Variants in ARHGEF7 observed in about 807,000 individuals in gnomAD.
The protein encoded by ARHGEF7 is PAK-interacting exchange factor beta.
Under a neutral mutation model 109.8 loss-of-function variants are expected in ARHGEF7, and 33 were observed. The observed-to-expected ratio is 0.30, with a 90% CI of 0.23 to 0.40. The LOEUF (loss-of-function observed/expected upper bound fraction) is 0.40, where lower values mean the gene tolerates loss of function less well. Among genes scored for constraint, ARHGEF7 ranks in the 10% least tolerant of loss-of-function variants. The probability of loss-of-function intolerance (pLI) is 1.00; values close to 1 mark genes in which losing one functional copy is unlikely to be tolerated. For missense variants in ARHGEF7, 938 were observed against 1,098.5 expected (o/e 0.85, Z 2.07); for synonymous variants, 458 against 424.6 (o/e 1.08, Z -0.97).
chr13:111,164,330 A>G (rs1333985488), intron 2 of ARHGEF7, among the ~76,000 whole-genome samples: 1 of 152,200 alleles, frequency 6.6e-6, no homozygotes, highest in Non-Finnish European at 1.5e-5. Context: ...TTCTTCATAC[A>G]AGCATGCTGC....
At position 111,217,323 on chromosome 13, in the gene ARHGEF7, AAGTGTTATGTAAGC is replaced by A. The variant is rs530624260; in HGVS notation, c.469-354_469-341del. On this transcript the variant is annotated intron_variant, in intron 4 of 21. Transcript: ENST00000646102. Reference sequence around the variant, plus strand: ...TGGTATAGTCATATAGCATAACATTAAGTGTTATGTAAGCACCAGTAAGTACTGCCAGATAAATG... The same window carrying A: ...TGGTATAGTCATATAGCATAACATTAACCAGTAAGTACTGCCAGATAAATG... 8.6e-4 allele frequency among the ~76,000 whole-genome samples: 131 copies of A among 152,370 alleles called. 3 individuals are homozygous for A. Among genetic ancestry groups the A allele is most frequent in the Admixed American group, 8.6e-3 (131 of 15,306 alleles).
At chr13:111,167,854 G>A (rs1434750243) in intron 2 of ARHGEF7, among the ~76,000 whole-genome samples, 1 of 152,196 alleles carries the variant, frequency 6.6e-6, no homozygotes, top group African/African-American at 2.4e-5. Context: ...TTTCCTGGGG[G>A]CACCACTGTG....
chr13:111,303,218 G>C lies in ARHGEF7; in HGVS notation c.*105G>C. ...AGGACCACAGGGCAGGGCTGGGTGG[G>C]GCGCCACCTTGCTCTCTGTATATAG... On this transcript the variant is annotated 3_prime_UTR_variant, in exon 22 of 22. Transcript: ENST00000646102. 1 of 1,000,024 alleles carries C rather than the reference G, an allele frequency of 1.0e-6. No individual in the cohort carries two copies. Among genetic ancestry groups the C allele is most frequent in the South Asian group, 1.7e-5 (1 of 59,710 alleles). 61.9% of individuals were successfully genotyped at this position (1,000,024 alleles called of 1,614,324 possible).
intron 5 of ARHGEF7, among the ~76,000 whole-genome samples, chr13:111,224,130 C>T (rs1180549542): frequency 1.3e-5 from 2 of 152,256 alleles, no homozygotes; most frequent in African/African-American, 2.4e-5. Flanking sequence ...GCTGGGATTA[C>T]AGGCATGAGC....
intron 1 of ARHGEF7, among the ~76,000 whole-genome samples, chr13:111,135,611 A>T (rs547963272): frequency 6.6e-6 from 1 of 152,274 alleles, no homozygotes; most frequent in Non-Finnish European, 1.5e-5. Context: ...GTTATTGGTG[A>T]ATAAGAATGC....
chr13:111,288,239 G>T, intron 17 of ARHGEF7, 115 bp from the exon 18 acceptor site: 1 of 491,840 alleles, frequency 2.0e-6, no homozygotes. Flanking sequence ...AAAATCAAGG[G>T]CAGATTATCT....
rs7490787 is a variant in ARHGEF7 at position 111,115,426 on chromosome 13, G to A, written c.-101G>A. 1 of 922,726 alleles carries A rather than the reference G, an allele frequency of 1.1e-6. No homozygotes were observed. The highest frequency in any genetic ancestry group is 1.8e-5 in the African/African-American group (1 of 55,282). 57.2% of individuals were successfully genotyped at this position (922,726 alleles called of 1,614,324 possible). A position where few individuals can be genotyped will look rare whatever the true frequency, so the allele number is the denominator to read the frequency against. On this transcript the variant is annotated 5_prime_UTR_variant, in exon 1 of 22. Coordinates refer to ENST00000646102, the MANE Select transcript of ARHGEF7 (RefSeq NM_001354046.2). ...AGCCAATCGCCGGCGCCGGCCGCTC[G>A]ATGGGCGAGGCGGCGGCGGCGGCGG... is the stretch of plus-strand genomic sequence containing the variant.
At chr13:111,174,847 T>C (rs2077972870) in intron 2 of ARHGEF7, among the ~76,000 whole-genome samples, 1 of 152,230 alleles carries the variant, frequency 6.6e-6, no homozygotes, top group South Asian at 2.1e-4. Flanking sequence ...ATAACTCAGC[T>C]AGGCGTGCGA....
intron 19 of ARHGEF7, among the ~76,000 whole-genome samples, chr13:111,298,488 C>T (rs1294440182): frequency 6.6e-6 from 1 of 152,252 alleles, no homozygotes; most frequent in Non-Finnish European, 1.5e-5. Context: ...TCAGGGTCCT[C>T]TCCCGTGGCC....
At chr13:111,175,625 G>A (rs933333432) in intron 2 of ARHGEF7, among the ~76,000 whole-genome samples, 3 of 152,170 alleles carry the variant, frequency 2.0e-5, no homozygotes, top group Admixed American at 6.5e-5. Context: ...CTCACTGGGC[G>A]TCCTCTGCTC....
Position 111,301,539 on chromosome 13 carries a change from C to T in ARHGEF7, c.2466+7C>T. 1 of 1,598,556 alleles carries T rather than the reference C, an allele frequency of 6.3e-7. No homozygotes were observed. The highest frequency in any genetic ancestry group is 8.6e-7 in the Non-Finnish European group (1 of 1,168,342). ...AGTTCAAGAATTAAGACAGGTACGT[C>T]ATAATCCATCTTTAAATCTTTTTTT... On this transcript the variant is annotated splice_region_variant and intron_variant, in intron 21 of 21. Coordinates refer to ENST00000646102, the MANE Select transcript of ARHGEF7 (RefSeq NM_001354046.2).
In ARHGEF7 at chr13:111,217,857, A is replaced by G; in HGVS notation, c.647A>G (p.Tyr216Cys). ...NGRTGWFPSN[Y>C]VREVKASEKP... is the part of the protein sequence containing the mutation. ...CGGACCGGCTGGTTCCCCAGCAACTACGTGCGCGAGGTCAAGGCCAGCGGT... is the reference window on the plus strand; with the variant it reads ...CGGACCGGCTGGTTCCCCAGCAACTGCGTGCGCGAGGTCAAGGCCAGCGGT... Residue 216 changes from tyrosine to cysteine, a missense_variant, in exon 5 of 22, where the codon TAC becomes TGC. Around this residue, in one of 4 missense-constraint regions of ARHGEF7, gnomAD observed 585 missense variants for 723.6 expected, o/e 0.81. Transcript: ENST00000646102. The G allele has an allele frequency of 1.2e-6, 2 of 1,613,306 alleles. No individual in the cohort carries two copies. Among genetic ancestry groups the G allele is most frequent in the Non-Finnish European group, 1.7e-6 (2 of 1,179,304 alleles).
intron 6 of ARHGEF7, chr13:111,241,403 G>A: frequency 6.6e-7 from 1 of 1,506,990 alleles, no homozygotes. Flanking sequence ...GAGGGAGTGG[G>A]CACCCCAGCT....
intron 18 of ARHGEF7, among the ~76,000 whole-genome samples, chr13:111,291,301 C>A (rs2093271777): frequency 6.6e-6 from 1 of 152,278 alleles, no homozygotes; most frequent in Non-Finnish European, 1.5e-5. Flanking sequence ...TCTCTCCTGA[C>A]ATGTTGTGCC....
intron 2 of ARHGEF7, among the ~76,000 whole-genome samples, chr13:111,198,366 G>A (rs1436573086): frequency 1.3e-5 from 2 of 152,202 alleles, no homozygotes; most frequent in Admixed American, 6.5e-5. Flanking sequence ...TGGGTTCTTG[G>A]TCTCGCTGAC....
intron 12 of ARHGEF7, 96 bp downstream of exon 12, chr13:111,275,774 C>A: frequency 6.9e-7 from 1 of 1,439,120 alleles, no homozygotes; most frequent in Non-Finnish European, 9.8e-7. Context: ...TGAAAAATGT[C>A]TAATAGAAGC....
chr13:111,186,893 C>G, intron 2 of ARHGEF7: 1 of 985,538 alleles, frequency 1.0e-6, no homozygotes, highest in Non-Finnish European at 1.2e-6. Flanking sequence ...ACGACTACTT[C>G]TTTCCCCATT....
At chr13:111,180,846 T>C (rs533511053) in intron 2 of ARHGEF7, among the ~76,000 whole-genome samples, 1 of 152,256 alleles carries the variant, frequency 6.6e-6, no homozygotes, top group Non-Finnish European at 1.5e-5. Context: ...GAATTTTTAA[T>C]ACGTGTGTTT....
chr13:111,119,557 G>A (rs1314471200), intron 1 of ARHGEF7, among the ~76,000 whole-genome samples: 1 of 152,176 alleles, frequency 6.6e-6, no homozygotes, highest in African/African-American at 2.4e-5. Flanking sequence ...AGGAGCAAAA[G>A]AATCAAGGAG....
Sources: gnomAD v4.1 joint callset for allele counts (sites outside exome capture counted in the v4.1 genomes callset) on GRCh38, gnomAD v4.1.1 for gene constraint, gnomAD v4.1.1 regional missense constraint, MANE v1.5 for transcripts, NCBI Gene and HGNC (gene_info 2026-07-23, HGNC 2026-07-21) for gene names.